EEFSEC: variants seen among roughly 807,000 people sequenced by gnomAD.
EEFSEC encodes the protein eukaryotic elongation factor, selenocysteine-tRNA specific.
A neutral mutation model predicts 42.1 loss-of-function variants in EEFSEC; 43 were observed. That is an observed-to-expected ratio of 1.02 (90% CI 0.80 to 1.32). EEFSEC has a LOEUF of 1.32. Among genes scored for constraint, EEFSEC ranks in the 40% most tolerant of loss-of-function variants. EEFSEC has a pLI of 0.00. For missense variants in EEFSEC, 745 were observed against 803.6 expected (o/e 0.93, Z 0.88); for synonymous variants, 354 against 339.1 (o/e 1.04, Z -0.48).
At chr3:128,307,146 A>G (rs888558718) in intron 4 of EEFSEC, among the ~76,000 whole-genome samples, 12 of 152,380 alleles carry the variant, frequency 7.9e-5, no homozygotes, top group African/African-American at 2.6e-4. Context: ...CTGGCCACAC[A>G]TGGGGCCTTG....
intron 1 of EEFSEC, among the ~76,000 whole-genome samples, chr3:128,173,035 G>A (rs2065314630): frequency 6.6e-6 from 1 of 152,196 alleles, no homozygotes; most frequent in African/African-American, 2.4e-5. Flanking sequence ...ATTGATCAGT[G>A]GCATTTAATG....
intron 4 of EEFSEC, among the ~76,000 whole-genome samples, chr3:128,340,362 A>C (rs1366220746): frequency 1.3e-5 from 2 of 150,280 alleles, no homozygotes; most frequent in African/African-American, 4.9e-5. Flanking sequence ...ATTAATGTAG[A>C]TTAATATTAT....
chr3:128,219,635 T>G (rs533569839), intron 1 of EEFSEC, among the ~76,000 whole-genome samples: 2 of 152,236 alleles, frequency 1.3e-5, no homozygotes. Context: ...TTTATCTCTC[T>G]GTACAAGCTA....
chr3:128,246,201 A>G (rs1193304476), intron 1 of EEFSEC, among the ~76,000 whole-genome samples: 2 of 150,320 alleles, frequency 1.3e-5, no homozygotes, highest in Non-Finnish European at 3.0e-5. Context: ...GGTGTGCTGT[A>G]CAGTAGGATG....
chr3:128,167,824 C>T (rs2065256584), intron 1 of EEFSEC, among the ~76,000 whole-genome samples: 1 of 152,194 alleles, frequency 6.6e-6, no homozygotes, highest in Non-Finnish European at 1.5e-5. Flanking sequence ...ATTTTCCTTT[C>T]TCCATGCAGT....
At chr3:128,243,054 A>G (rs1195796018) in intron 1 of EEFSEC, among the ~76,000 whole-genome samples, 1 of 152,226 alleles carries the variant, frequency 6.6e-6, no homozygotes, top group African/African-American at 2.4e-5. Context: ...AAGAAAAGAA[A>G]GTAACTGAGA....
chr3:128,254,190 G>A (rs1406866269), intron 2 of EEFSEC, among the ~76,000 whole-genome samples: 1 of 152,208 alleles, frequency 6.6e-6, no homozygotes, highest in African/African-American at 2.4e-5. Context: ...GAGTAGCAAG[G>A]GGATTCTGAG....
chr3:128,280,773 C>A (rs751820257), intron 4 of EEFSEC, among the ~76,000 whole-genome samples: 3 of 152,234 alleles, frequency 2.0e-5, no homozygotes, highest in Non-Finnish European at 2.9e-5. Flanking sequence ...ACCCTCACCC[C>A]CTTCTCCTTC....
chr3:128,407,353 ACT>A (rs2107641828), intron 6 of EEFSEC, among the ~76,000 whole-genome samples: 1 of 152,210 alleles, frequency 6.6e-6, no homozygotes, highest in African/African-American at 2.4e-5. Flanking sequence ...TGAGCCACTG[ACT>A]CTGTGAGCCC....
At chr3:128,203,330 A>T (rs2065661475) in intron 1 of EEFSEC, among the ~76,000 whole-genome samples, 1 of 152,228 alleles carries the variant, frequency 6.6e-6, no homozygotes, top group East Asian at 1.9e-4. Flanking sequence ...GTGTGTTCTA[A>T]TTCATGATCT....
At chr3:128,200,665 G>A (rs987672960) in intron 1 of EEFSEC, among the ~76,000 whole-genome samples, 1 of 152,250 alleles carries the variant, frequency 6.6e-6, no homozygotes, top group African/African-American at 2.4e-5. Context: ...AAGAATGCTA[G>A]CTGAAACGAT....
At chr3:128,243,022 T>C (rs959892764) in intron 1 of EEFSEC, among the ~76,000 whole-genome samples, 119 of 152,352 alleles carry the variant, frequency 7.8e-4, no homozygotes, top group African/African-American at 2.8e-3. Context: ...TCACTTCCTG[T>C]CGTCTGATCA....
intron 1 of EEFSEC, among the ~76,000 whole-genome samples, chr3:128,166,795 GCT>G (rs2065246169): frequency 6.6e-6 from 1 of 151,894 alleles, no homozygotes; most frequent in Non-Finnish European, 1.5e-5. Flanking sequence ...CCTCCTGCTT[GCT>G]CTCTGTCTTT....
At chr3:128,329,546 A>G (rs2067103795) in intron 4 of EEFSEC, among the ~76,000 whole-genome samples, 1 of 152,114 alleles carries the variant, frequency 6.6e-6, no homozygotes, top group Non-Finnish European at 1.5e-5. Flanking sequence ...GGCAGGCAGC[A>G]TGACCTGCTC....
chr3:128,338,648 A>G (rs1213414687), intron 4 of EEFSEC, among the ~76,000 whole-genome samples: 1 of 152,210 alleles, frequency 6.6e-6, no homozygotes, highest in Non-Finnish European at 1.5e-5. Context: ...TTCATTCAAG[A>G]GTCCCTTGGC....
At chr3:128,398,087 G>C (rs1231226872) in intron 6 of EEFSEC, among the ~76,000 whole-genome samples, 3 of 152,258 alleles carry the variant, frequency 2.0e-5, no homozygotes, top group African/African-American at 7.2e-5. Flanking sequence ...TGGCAGATGA[G>C]GTGGGGTGCA....
At chr3:128,229,187 A>C (rs533393570) in intron 1 of EEFSEC, among the ~76,000 whole-genome samples, 81 of 152,334 alleles carry the variant, frequency 5.3e-4, no homozygotes, top group Non-Finnish European at 1.0e-3. Flanking sequence ...CTGTTTTTAC[A>C]CAGCATATGT....
chr3:128,227,061 G>A (rs774474448), intron 1 of EEFSEC, among the ~76,000 whole-genome samples: 32 of 152,192 alleles, frequency 2.1e-4, no homozygotes, highest in Non-Finnish European at 4.0e-4. Flanking sequence ...GGGGCTTGCA[G>A]GACATGGTGG....
At chr3:128,343,765 C>G (rs138218409) in intron 5 of EEFSEC, among the ~76,000 whole-genome samples, 4 of 152,142 alleles carry the variant, frequency 2.6e-5, no homozygotes, top group Middle Eastern at 3.2e-3. Context: ...CTCATGCCTC[C>G]GAAGGGCTGA....
Sources: gnomAD v4.1 joint callset for allele counts (sites outside exome capture counted in the v4.1 genomes callset) on GRCh38, gnomAD v4.1.1 for gene constraint, MANE v1.5 for transcripts, NCBI Gene and HGNC (gene_info 2026-07-23, HGNC 2026-07-21) for gene names.